IDE: variants seen among roughly 807,000 people sequenced by gnomAD.
The protein encoded by IDE is insulin-degrading enzyme.
A neutral mutation model predicts 133.2 loss-of-function variants in IDE; 58 were observed. That is an observed-to-expected ratio of 0.44 (90% confidence interval 0.35 to 0.54). The LOEUF (loss-of-function observed/expected upper bound fraction) is 0.54, where lower values mean the gene tolerates loss of function less well. Among genes scored for constraint, IDE ranks in the 20% least tolerant of loss-of-function variants. The probability of loss-of-function intolerance (pLI) is 0.00; values close to 1 mark genes in which losing one functional copy is unlikely to be tolerated. For missense variants in IDE, 981 were observed against 1,234.0 expected, an observed-to-expected ratio of 0.79 and a Z score of 3.07; for synonymous variants, 396 against 421.3, an observed-to-expected ratio of 0.94 and a Z score of 0.73.
At chr10:92,504,087 CA>C (rs1848171171) in intron 11 of IDE, among the ~76,000 whole-genome samples, 1 of 151,796 alleles carries the variant, frequency 6.6e-6, no homozygotes, top group African/African-American at 2.4e-5. Context: ...ACAACTGTTC[CA>C]AAAAACTTAC....
chr10:92,483,099 TTTTA>T (rs1846718774), intron 14 of IDE, among the ~76,000 whole-genome samples, 152 bp downstream of exon 14: 1 of 152,148 alleles, frequency 6.6e-6, no homozygotes, highest in South Asian at 2.1e-4. Context: ...TTTTCTTTAC[TTTTA>T]TTTATTTATT....
At chr10:92,509,712 G>A (rs2135544789) in intron 6 of IDE, among the ~76,000 whole-genome samples, 1 of 152,242 alleles carries the variant, frequency 6.6e-6, no homozygotes, top group East Asian at 1.9e-4. Flanking sequence ...CTTGAGATCA[G>A]GAGTTCGAGA....
intron 13 of IDE, among the ~76,000 whole-genome samples, chr10:92,485,282 C>A (rs928195061): frequency 6.6e-6 from 1 of 151,950 alleles, no homozygotes; most frequent in Admixed American, 6.6e-5. Context: ...CGCGCCACCA[C>A]GCCCAGCTAA....
intron 2 of IDE, among the ~76,000 whole-genome samples, chr10:92,536,054 A>C (rs914369222): frequency 1.3e-5 from 2 of 151,196 alleles, no homozygotes; most frequent in African/African-American, 4.9e-5. Flanking sequence ...AAAAAAAAAG[A>C]AGCAACCTGA....
chr10:92,507,274 G>A (rs538526769), intron 9 of IDE, among the ~76,000 whole-genome samples: 22 of 152,092 alleles, frequency 1.4e-4, no homozygotes, highest in Non-Finnish European at 3.1e-4. Context: ...CATAATCCCT[G>A]ACATATTCCA....
At chr10:92,529,238 G>A (rs148780314) in intron 4 of IDE, among the ~76,000 whole-genome samples, 89 of 152,244 alleles carry the variant, frequency 5.8e-4, no homozygotes, top group African/African-American at 2.0e-3. Context: ...TTTTCAATAT[G>A]CATAATATCT....
chr10:92,499,260 T>C (rs1011336770), intron 11 of IDE, among the ~76,000 whole-genome samples: 13 of 152,114 alleles, frequency 8.5e-5, no homozygotes, highest in Middle Eastern at 3.4e-3. Context: ...CTTGGCTCAC[T>C]GCAACCTCCG....
chr10:92,468,909 C>T lies in IDE; in HGVS notation c.2290G>A (p.Val764Ile). The T allele has an allele frequency of 6.2e-7, 1 of 1,610,794 alleles. No homozygotes were observed. Among genetic ancestry groups the T allele is most frequent in the Non-Finnish European group, 8.5e-7 (1 of 1,176,976 alleles). ...HTKPLLPSQL[V>I]RYREVQLPDR... ...GGGAGCTGAACTTCTCTATACCGAA[C>T]CAGCTGACTTGGAAGGAGAGGTTTG... Residue 764 changes from valine (V) to isoleucine (I), a missense_variant, in exon 19 of 25, where the codon GTT (valine) becomes ATT (isoleucine). Coordinates refer to ENST00000265986, the MANE Select transcript of IDE (RefSeq NM_004969.4).
intron 4 of IDE, among the ~76,000 whole-genome samples, chr10:92,524,444 ATT>A (rs1491486715): frequency 8.6e-4 from 10 of 11,604 alleles, no homozygotes; most frequent in Middle Eastern, 8.9e-3. Context: ...TATATAATAT[ATT>A]TTATATATTA....
intron 18 of IDE, 75 bp downstream of exon 18, chr10:92,470,179 A>T (rs961542193): frequency 2.0e-6 from 2 of 981,652 alleles, no homozygotes; most frequent in African/African-American, 3.3e-5. Flanking sequence ...GCTGGTTAAC[A>T]ATCTTGAGAA....
At chr10:92,503,090 T>C (rs1273900850) in intron 11 of IDE, among the ~76,000 whole-genome samples, 2 of 152,104 alleles carry the variant, frequency 1.3e-5, no homozygotes, top group Non-Finnish European at 1.5e-5. Flanking sequence ...AAAACCATGG[T>C]ATCTTATTCC....
At chr10:92,557,286 C>A (rs1334128975) in intron 1 of IDE, among the ~76,000 whole-genome samples, 1 of 152,154 alleles carries the variant, frequency 6.6e-6, no homozygotes, top group Non-Finnish European at 1.5e-5. Context: ...CCTGTAATCC[C>A]AGCACTTTGG....
chr10:92,553,943 T>C (rs1238027125), intron 1 of IDE, among the ~76,000 whole-genome samples: 1 of 151,932 alleles, frequency 6.6e-6, no homozygotes, highest in East Asian at 1.9e-4. Context: ...TTCCAAAAAA[T>C]AGACAAGGAA....
chr10:92,541,241 G>C (rs1170887051), intron 1 of IDE: 1 of 420,392 alleles, frequency 2.4e-6, no homozygotes, highest in Non-Finnish European at 4.9e-6. Context: ...TCAATACAAA[G>C]TCTGGGTTTA....
chr10:92,570,008 G>C (rs1158781160), intron 1 of IDE, among the ~76,000 whole-genome samples: 1 of 152,070 alleles, frequency 6.6e-6, no homozygotes, highest in Non-Finnish European at 1.5e-5. Context: ...TACTCTGGAG[G>C]CTGAGGCAGA....
At chr10:92,564,535 C>T (rs1843428036) in intron 1 of IDE, among the ~76,000 whole-genome samples, 1 of 151,442 alleles carries the variant, frequency 6.6e-6, no homozygotes, top group African/African-American at 2.4e-5. Flanking sequence ...AATTAGTGGG[C>T]ATGGTGGCAC....
At chr10:92,510,206 A>G (rs758142833) in intron 5 of IDE, 44 bp from the exon 6 acceptor site, 13 of 995,980 alleles carry the variant, frequency 1.3e-5, no homozygotes, top group Non-Finnish European at 1.9e-5. Flanking sequence ...AGCGAATCAT[A>G]ACATCCAACA....
chr10:92,485,027 G>A (rs1352331195), intron 13 of IDE, among the ~76,000 whole-genome samples: 1 of 151,750 alleles, frequency 6.6e-6, no homozygotes, highest in Non-Finnish European at 1.5e-5. Flanking sequence ...CTTCACCCCA[G>A]CCTGGGCAAT....
chr10:92,466,463 T>C (rs1053301867), intron 19 of IDE, among the ~76,000 whole-genome samples: 1 of 150,868 alleles, frequency 6.6e-6, no homozygotes, highest in South Asian at 2.1e-4. Flanking sequence ...ACTATAGGCA[T>C]GTGCCCCCAC....
Sources: gnomAD v4.1 joint callset for allele counts (sites outside exome capture counted in the v4.1 genomes callset) on GRCh38, gnomAD v4.1.1 for gene constraint, MANE v1.5 for transcripts, NCBI Gene and HGNC (gene_info 2026-07-23, HGNC 2026-07-21) for gene names.